Variants in ADGRL4 observed in about 807,000 individuals in gnomAD.
ADGRL4 encodes the protein adhesion G protein-coupled receptor L4.
Under a neutral mutation model 74.8 loss-of-function variants are expected in ADGRL4, and 90 were observed. That is an observed-to-expected ratio of 1.20 (90% CI 1.02 to 1.43). The LOEUF is 1.43. Ranked by LOEUF, ADGRL4 falls within the 40% of genes most tolerant of loss-of-function variation. ADGRL4 has a pLI of 0.00. For missense variants in ADGRL4, 881 were observed against 814.3 expected (o/e 1.08, Z -1.00); for synonymous variants, 311 against 279.2 (o/e 1.11, Z -1.14).
chr1:78,963,376 C>T (rs1179454402), intron 2 of ADGRL4, among the ~76,000 whole-genome samples: 1 of 152,178 alleles, frequency 6.6e-6, no homozygotes, highest in Non-Finnish European at 1.5e-5. Flanking sequence ...CCTACCTGAT[C>T]TCAAACTTCT....
At chr1:78,927,602 T>C (rs1649145958) in intron 7 of ADGRL4, among the ~76,000 whole-genome samples, 1 of 152,128 alleles carries the variant, frequency 6.6e-6, no homozygotes, top group African/African-American at 2.4e-5. Context: ...CATGTAATTA[T>C]GCAGTGTCGG....
intron 6 of ADGRL4, 30 bp from the exon 7 acceptor site, chr1:78,936,441 T>C (rs1649355829): frequency 1.3e-6 from 2 of 1,522,812 alleles, no homozygotes; most frequent in African/African-American, 2.8e-5. Flanking sequence ...ATAAAAAAAG[T>C]GAAATTACTT....
In ADGRL4 at chr1:79,001,191, G is replaced by GGA. The variant is rs1557526614; in HGVS notation, c.172+3878_172+3879insTC. 2.0e-4 allele frequency among the ~76,000 whole-genome samples: 17 copies of GGA among 84,506 alleles called. 1 individual carries two copies. Among genetic ancestry groups the GGA allele is most frequent in the African/African-American group, 7.1e-4 (17 of 23,940 alleles). 55.4% of individuals were successfully genotyped at this position (84,506 alleles called of 152,430 possible). ...GGAAGGGAGAGGGGGGGGAGGGAGG[G>GGA]AGGAAGGAAGGAAGGAAGGGAGGAA... is the stretch of plus-strand genomic sequence containing the variant. On this transcript the variant is annotated intron_variant, in intron 2 of 14. Transcript: ENST00000370742.
intron 3 of ADGRL4, among the ~76,000 whole-genome samples, chr1:78,945,114 G>A (rs1649567619): frequency 1.3e-5 from 2 of 148,276 alleles, no homozygotes; most frequent in African/African-American, 2.5e-5. Flanking sequence ...GCAGTGAGCC[G>A]AGATCGCACC....
At chr1:78,981,813 G>A (rs1483059595) in intron 2 of ADGRL4, among the ~76,000 whole-genome samples, 1 of 151,674 alleles carries the variant, frequency 6.6e-6, no homozygotes, top group African/African-American at 2.4e-5. Flanking sequence ...ATAAAACAAA[G>A]ATTAAATACA....
At position 78,999,474 on chromosome 1, in the gene ADGRL4, G is replaced by A. The variant is rs182191548; in HGVS notation, c.172+5596C>T. 1.8e-3 allele frequency among the ~76,000 whole-genome samples: 273 copies of A among 152,290 alleles called. 4 individuals carry two copies. The highest frequency in any genetic ancestry group is 6.2e-3 in the African/African-American group (257 of 41,546). On this transcript the variant is annotated intron_variant, in intron 2 of 14. Coordinates refer to ENST00000370742, the MANE Select transcript of ADGRL4 (RefSeq NM_022159.4). ...TGTAGTCCTAGCTACTCGGGAGGCT[G>A]AGGCGGGAGAATGGCGTGAACCCAG...
At chr1:78,978,625 C>A (rs77975503) in intron 2 of ADGRL4, among the ~76,000 whole-genome samples, 1 of 151,524 alleles carries the variant, frequency 6.6e-6, no homozygotes, top group Non-Finnish European at 1.5e-5. Flanking sequence ...TATATTTTAC[C>A]ATACGCACAA....
chr1:78,946,184 TG>T, intron 3 of ADGRL4, 89 bp downstream of exon 3: 1 of 968,986 alleles, frequency 1.0e-6, no homozygotes, highest in Non-Finnish European at 1.5e-6. Flanking sequence ...GATCAAGGTC[TG>T]GCAGAATTTG....
chr1:78,941,702 T>C (rs1447958730), intron 3 of ADGRL4, among the ~76,000 whole-genome samples: 2 of 152,170 alleles, frequency 1.3e-5, no homozygotes. Flanking sequence ...GAAACTGGCT[T>C]GTCTACAGTG....
chr1:78,939,073 C>T (rs561402768), intron 4 of ADGRL4, 115 bp downstream of exon 4: 17 of 1,277,598 alleles, frequency 1.3e-5, no homozygotes, highest in African/African-American at 7.8e-5. Flanking sequence ...TAAACGTTTT[C>T]GACTCTCCCT....
intron 2 of ADGRL4, among the ~76,000 whole-genome samples, chr1:78,974,265 A>G (rs1263354518): frequency 3.9e-5 from 6 of 152,168 alleles, no homozygotes; most frequent in Non-Finnish European, 8.8e-5. Context: ...TTCTATGTAT[A>G]TCAGCCTGTG....
chr1:79,006,582 A>G, intron 1 of ADGRL4, 51 bp downstream of exon 1: 2 of 1,532,344 alleles, frequency 1.3e-6, no homozygotes, highest in Non-Finnish European at 1.8e-6. Flanking sequence ...GTCCCCTACA[A>G]GGGATTGGTC....
At chr1:78,892,057 TA>T (rs1401278518) in intron 13 of ADGRL4, among the ~76,000 whole-genome samples, 1 of 152,012 alleles carries the variant, frequency 6.6e-6, no homozygotes, top group Non-Finnish European at 1.5e-5. Flanking sequence ...AGGTAAGACA[TA>T]TATCTGTTAG....
At chr1:78,910,627 A>G (rs1648743596) in intron 12 of ADGRL4, among the ~76,000 whole-genome samples, 1 of 151,820 alleles carries the variant, frequency 6.6e-6, no homozygotes, top group Non-Finnish European at 1.5e-5. Context: ...GTGTACTTGA[A>G]TCTAATCACT....
At chr1:78,966,657 C>A (rs1650062957) in intron 2 of ADGRL4, among the ~76,000 whole-genome samples, 1 of 152,140 alleles carries the variant, frequency 6.6e-6, no homozygotes, top group African/African-American at 2.4e-5. Context: ...CCCTCCTCTT[C>A]CAGGTGGGCC....
At chr1:78,979,942 C>T (rs1030781292) in intron 2 of ADGRL4, among the ~76,000 whole-genome samples, 2 of 151,810 alleles carry the variant, frequency 1.3e-5, no homozygotes, top group Admixed American at 1.3e-4. Context: ...ACAGGGTACA[C>T]TGCTTGAATC....
chr1:78,899,593 G>A (rs1570210975), intron 12 of ADGRL4, among the ~76,000 whole-genome samples: 2 of 152,202 alleles, frequency 1.3e-5, no homozygotes, highest in Admixed American at 6.6e-5. Flanking sequence ...GGGCTCAAGC[G>A]ATCTGTCCAC....
chr1:78,895,907 G>A (rs1048793252), intron 12 of ADGRL4, among the ~76,000 whole-genome samples: 8 of 152,042 alleles, frequency 5.3e-5, no homozygotes, highest in Non-Finnish European at 8.8e-5. Flanking sequence ...AGTGCAACAC[G>A]ACTCAGAAAG....
At chr1:78,921,854 T>A in intron 8 of ADGRL4, 68 bp from the exon 9 acceptor site, 1 of 878,972 alleles carries the variant, frequency 1.1e-6, no homozygotes, top group Non-Finnish European at 1.6e-6. Context: ...TTTTGTCATA[T>A]TTAAAATACC....
Sources: gnomAD v4.1 joint callset for allele counts (sites outside exome capture counted in the v4.1 genomes callset) on GRCh38, gnomAD v4.1.1 for gene constraint, MANE v1.5 for transcripts, NCBI Gene and HGNC (gene_info 2026-07-23, HGNC 2026-07-21) for gene names.